Variants in TGFBR1 observed in about 807,000 individuals in gnomAD.
The protein encoded by TGFBR1 is TGF-beta receptor type-1.
A neutral mutation model predicts 55.1 loss-of-function variants in TGFBR1; 20 were observed. The ratio of observed to expected loss-of-function variants is 0.36; its 90% confidence interval spans 0.26 to 0.53. The LOEUF (loss-of-function observed/expected upper bound fraction) is 0.53. Ranked by LOEUF, TGFBR1 falls within the 20% of genes least tolerant of loss-of-function variation. The probability of loss-of-function intolerance (pLI) is 0.91; values close to 1 mark genes in which losing one functional copy is unlikely to be tolerated. For synonymous variants in TGFBR1, 220 were observed against 214.8 expected (o/e 1.02, Z -0.21); for missense variants, 385 against 617.6 (o/e 0.62, Z 3.99).
At position 99,149,210 on chromosome 9, in the gene TGFBR1, G is replaced by C; in HGVS notation, c.1417G>C (p.Glu473Gln). 6.2e-7 allele frequency: 1 copy of C among 1,613,142 alleles called. No homozygotes were observed. Reference sequence around the variant, plus strand: ...GAGAGTAATGGCTAAAATTATGAGAGAATGTTGGTATGCCAATGGAGCAGC... The same window carrying C: ...GAGAGTAATGGCTAAAATTATGAGACAATGTTGGTATGCCAATGGAGCAGC... ...ALRVMAKIMRECWYANGAARL... is the reference protein window; with the variant it reads ...ALRVMAKIMRQCWYANGAARL... The change falls in exon 9 of 9, where the codon GAA becomes CAA. Residue 473 changes from glutamate (E) to glutamine (Q), a missense_variant. By Grantham distance (29) the Glu-to-Gln change is conservative (BLOSUM62 2). Around this residue, in one of 5 missense-constraint regions of TGFBR1, gnomAD observed 110 missense variants for 154.6 expected, o/e 0.71. Transcript: ENST00000374994.
At chr9:99,142,779 CTGGGCCTGGTGGCT>C in intron 5 of TGFBR1, 76 bp downstream of exon 5, 1 of 1,554,104 alleles carries the variant, frequency 6.4e-7, no homozygotes, top group Non-Finnish European at 8.8e-7. Context: ...AAGGTGGAGG[CTGGGCCTGGTGGCT>C]CATGCCTATA....
intron 4 of TGFBR1, among the ~76,000 whole-genome samples, chr9:99,140,452 T>C (rs1367532992): frequency 6.6e-6 from 1 of 151,278 alleles, no homozygotes; most frequent in Non-Finnish European, 1.5e-5. Flanking sequence ...GGAGACTCTG[T>C]CTCAAAAAAA....
chr9:99,117,620 A>G (rs1334993269), intron 1 of TGFBR1, among the ~76,000 whole-genome samples: 1 of 152,010 alleles, frequency 6.6e-6, no homozygotes, highest in Non-Finnish European at 1.5e-5. Context: ...TTTTTCCCCC[A>G]GTGTACAATC....
At chr9:99,117,825 A>G (rs1826791799) in intron 1 of TGFBR1, among the ~76,000 whole-genome samples, 1 of 152,146 alleles carries the variant, frequency 6.6e-6, no homozygotes, top group Admixed American at 6.5e-5. Context: ...TTCCATATAA[A>G]TTTCAGAATC....
intron 1 of TGFBR1, among the ~76,000 whole-genome samples, chr9:99,110,621 T>C (rs1465683875): frequency 2.6e-5 from 4 of 152,192 alleles, no homozygotes; most frequent in African/African-American, 7.2e-5. Context: ...TAAATATATA[T>C]ATAAAAGAAA....
intron 3 of TGFBR1, among the ~76,000 whole-genome samples, chr9:99,137,045 G>A (rs979479421): frequency 6.6e-6 from 1 of 152,140 alleles, no homozygotes; most frequent in African/African-American, 2.4e-5. Flanking sequence ...TTTAAATGAA[G>A]TAAGTATGGC....
At chr9:99,133,088 T>C (rs1001208920) in intron 3 of TGFBR1, among the ~76,000 whole-genome samples, 27 of 152,334 alleles carry the variant, frequency 1.8e-4, no homozygotes, top group African/African-American at 6.0e-4. Flanking sequence ...GTCAAAGATA[T>C]TCACATGATC....
intron 6 of TGFBR1, among the ~76,000 whole-genome samples, chr9:99,145,160 A>G (rs1319545895): frequency 1.3e-5 from 2 of 152,220 alleles, no homozygotes; most frequent in East Asian, 1.9e-4. Flanking sequence ...GGCACCTACT[A>G]TGTGCCAATC....
At chr9:99,115,968 G>A (rs562342187) in intron 1 of TGFBR1, among the ~76,000 whole-genome samples, 9 of 152,252 alleles carry the variant, frequency 5.9e-5, no homozygotes, top group Admixed American at 4.6e-4. Flanking sequence ...CCACCAAAGC[G>A]TTGGCAGATT....
chr9:99,140,106 A>G (rs967097347), intron 4 of TGFBR1, among the ~76,000 whole-genome samples: 1 of 152,208 alleles, frequency 6.6e-6, no homozygotes, highest in Non-Finnish European at 1.5e-5. Context: ...TATATGATGA[A>G]TGTAGGTAGC....
intron 1 of TGFBR1, among the ~76,000 whole-genome samples, chr9:99,118,117 CTATT>C (rs925361337): frequency 6.6e-6 from 1 of 152,032 alleles, no homozygotes; most frequent in Non-Finnish European, 1.5e-5. Context: ...AAAACGTTTT[CTATT>C]TATTACTGGT....
At chr9:99,144,657 AC>A in intron 5 of TGFBR1, 74 bp from the exon 6 acceptor site, 2 of 1,578,972 alleles carry the variant, frequency 1.3e-6, no homozygotes, top group Non-Finnish European at 1.7e-6. Context: ...GGGAGAAGAG[AC>A]TTTTGAACCT....
Position 99,142,676 on chromosome 9 carries a change from CTT to C in TGFBR1, c.947_948del (p.Leu316ProfsTer16). On this transcript the variant is annotated frameshift_variant, in exon 5 of 9. Transcript: ENST00000374994. LOFTEE classifies it high-confidence loss of function. ...ALSTASGLAH[L>X]HMEIVGTQGK... ...GTCCACGGCGAGCGGTCTTGCCCAT[CTT>C]CACATGGAGATTGTTGGTACCCAAG... is the stretch of plus-strand genomic sequence containing the variant. 6.2e-7 allele frequency: 1 copy of C among 1,614,062 alleles called. No individual in the cohort carries two copies. The highest frequency in any genetic ancestry group is 1.7e-5 in the Admixed American group (1 of 60,026).
At chr9:99,140,389 G>C (rs1179566001) in intron 4 of TGFBR1, among the ~76,000 whole-genome samples, 1 of 152,098 alleles carries the variant, frequency 6.6e-6, no homozygotes. Context: ...GGGAGGTGGA[G>C]GTTGCAGTCA....
intron 1 of TGFBR1, among the ~76,000 whole-genome samples, chr9:99,118,025 A>G (rs1356635913): frequency 2.0e-5 from 3 of 152,170 alleles, no homozygotes; most frequent in Non-Finnish European, 4.4e-5. Context: ...ATTTCTATCA[A>G]TAAGTAATAT....
rs1828017367 is a variant in TGFBR1, at chr9:99,152,913, T to C, written c.*3608T>C. The C allele has an allele frequency of 4.3e-6, 1 of 230,714 alleles. No individual in the cohort carries two copies. Among genetic ancestry groups the C allele is most frequent in the African/African-American group, 2.2e-5 (1 of 45,226 alleles). The allele number at this position is 230,714 out of a possible 1,614,324, so 14.3% of individuals were successfully genotyped here. A position where few individuals can be genotyped will look rare whatever the true frequency, so the allele number is the denominator to read the frequency against. On this transcript the variant is annotated 3_prime_UTR_variant, in exon 9 of 9. Transcript: ENST00000374994. ...AAGATGATTGTCAGTACATTAAACT[T>C]TTCAATCCCATTATGCAATCTTGTT... is the stretch of plus-strand genomic sequence containing the variant.
chr9:99,124,607 T>C (rs1826983498), intron 1 of TGFBR1, among the ~76,000 whole-genome samples: 1 of 152,152 alleles, frequency 6.6e-6, no homozygotes, highest in Non-Finnish European at 1.5e-5. Context: ...TTAAAACTCA[T>C]GTTCATGGAA....
At position 99,137,935 on chromosome 9, in the gene TGFBR1, A is replaced by T. The variant is rs1321254948; in HGVS notation, c.651A>T (p.Gly217=). Residue 217 remains glycine (G), a synonymous_variant, in exon 4 of 9, where the codon GGA becomes GGT. Coordinates refer to ENST00000374994, the MANE Select transcript of TGFBR1 (RefSeq NM_004612.4). ...LQESIGKGRF[G]EVWRGKWRGE... ...AAAGCATTGGCAAAGGTCGATTTGGAGAAGTTTGGAGAGGAAAGTGGCGGG... is the reference window on the plus strand; with the variant it reads ...AAAGCATTGGCAAAGGTCGATTTGGTGAAGTTTGGAGAGGAAAGTGGCGGG... The T allele has an allele frequency of 6.2e-7, 1 of 1,613,974 alleles. No individual in the cohort carries two copies. The highest frequency in any genetic ancestry group is 8.5e-7 in the Non-Finnish European group (1 of 1,179,982).
At chr9:99,145,482 T>C (rs552670245) in intron 6 of TGFBR1, among the ~76,000 whole-genome samples, 33 of 152,320 alleles carry the variant, frequency 2.2e-4, no homozygotes, top group Admixed American at 2.2e-3. Context: ...TTTATTTGCC[T>C]ATATATTCTA....
Sources: allele counts gnomAD v4.1 joint callset (sites outside exome capture counted in the v4.1 genomes callset), GRCh38; gene constraint gnomAD v4.1.1; regional missense constraint gnomAD v4.1.1; transcripts MANE v1.5; gene names NCBI Gene and HGNC (gene_info 2026-07-23, HGNC 2026-07-21).